Variants in KIAA1328 observed in about 807,000 individuals in gnomAD.
KIAA1328 encodes protein hinderin.
In KIAA1328, 52 loss-of-function variants were observed where a neutral mutation model predicts 68.1. That is an observed-to-expected ratio of 0.76 (90% confidence interval 0.61 to 0.96). The LOEUF (loss-of-function observed/expected upper bound fraction) is 0.96, where lower values mean the gene tolerates loss of function less well. Ranked by LOEUF, KIAA1328 falls within the 40% of genes least tolerant of loss-of-function variation. The pLI is 0.00. For missense variants in KIAA1328, 641 were observed against 677.6 expected (o/e 0.95, Z 0.60); for synonymous variants, 232 against 239.4 (o/e 0.97, Z 0.28).
intron 6 of KIAA1328, among the ~76,000 whole-genome samples, chr18:36,988,505 A>G (rs978557682): frequency 2.6e-5 from 4 of 152,196 alleles, no homozygotes; most frequent in African/African-American, 9.6e-5. Context: ...TTTACAAACC[A>G]TTTTGTGTGT....
At chr18:36,994,637 CTG>C (rs2053319704) in intron 6 of KIAA1328, among the ~76,000 whole-genome samples, 2 of 152,172 alleles carry the variant, frequency 1.3e-5, no homozygotes, top group South Asian at 4.1e-4. Context: ...TTCTGAAAAA[CTG>C]TGATCTGTTT....
At chr18:36,954,027 G>A (rs376355924) in intron 5 of KIAA1328, among the ~76,000 whole-genome samples, 1 of 111,038 alleles carries the variant, frequency 9.0e-6, no homozygotes, top group East Asian at 2.7e-4. Context: ...ACGGAGTCTC[G>A]CTCTGTCGCC....
intron 6 of KIAA1328, among the ~76,000 whole-genome samples, chr18:37,024,640 T>C (rs2054493151): frequency 6.6e-6 from 1 of 151,882 alleles, no homozygotes; most frequent in South Asian, 2.1e-4. Flanking sequence ...TGGTTTTCTG[T>C]CCTTGCGATA....
intron 4 of KIAA1328, among the ~76,000 whole-genome samples, chr18:36,866,077 A>G (rs2047740135): frequency 6.6e-6 from 1 of 151,978 alleles, no homozygotes; most frequent in African/African-American, 2.4e-5. Context: ...TTTCAAGTTA[A>G]CTGTTTGTTG....
intron 9 of KIAA1328, among the ~76,000 whole-genome samples, chr18:37,180,408 G>A (rs2059677601): frequency 3.3e-5 from 5 of 152,150 alleles, no homozygotes; most frequent in Admixed American, 3.3e-4. Context: ...CATTCTGGCT[G>A]AAACTTGGAT....
chr18:36,948,003 C>T (rs894224039), intron 5 of KIAA1328, among the ~76,000 whole-genome samples: 1 of 152,080 alleles, frequency 6.6e-6, no homozygotes, highest in African/African-American at 2.4e-5. Flanking sequence ...TATAATGAGG[C>T]GTGTTTGACC....
intron 6 of KIAA1328, among the ~76,000 whole-genome samples, chr18:36,977,826 C>T (rs1022295623): frequency 1.3e-5 from 2 of 151,984 alleles, no homozygotes; most frequent in Non-Finnish European, 2.9e-5. Flanking sequence ...CTCTGTCCCC[C>T]AGGCTGGAGT....
intron 5 of KIAA1328, among the ~76,000 whole-genome samples, chr18:36,954,159 C>T (rs1046068064): frequency 2.6e-5 from 4 of 151,924 alleles, no homozygotes; most frequent in East Asian, 1.9e-4. Flanking sequence ...CCTGCCACCG[C>T]GCCCGGCTAA....
At chr18:37,229,314 G>T (rs2060654469), downstream of KIAA1328, among the ~76,000 whole-genome samples, 1 of 152,112 alleles carries the variant, frequency 6.6e-6, no homozygotes, top group Non-Finnish European at 1.5e-5. Context: ...ATGAGATGAG[G>T]CCTTTTTTCA....
chr18:36,946,008 A>G (rs2050886438), intron 5 of KIAA1328, among the ~76,000 whole-genome samples: 1 of 152,232 alleles, frequency 6.6e-6, no homozygotes, highest in Non-Finnish European at 1.5e-5. Context: ...GAAATCCAAA[A>G]TGCTGCAATG....
chr18:36,977,429 C>T (rs1464399869), intron 6 of KIAA1328, among the ~76,000 whole-genome samples: 1 of 152,154 alleles, frequency 6.6e-6, no homozygotes, highest in African/African-American at 2.4e-5. Flanking sequence ...TAGCCTTAAG[C>T]ATTTTGCTCT....
At chr18:36,880,709 A>AT (rs1466709694) in intron 4 of KIAA1328, among the ~76,000 whole-genome samples, 3 of 151,672 alleles carry the variant, frequency 2.0e-5, no homozygotes, top group South Asian at 2.1e-4. Context: ...TAACTGTAGG[A>AT]TTTTTTTTAA....
At chr18:36,843,633 A>G (rs1278189500) in intron 3 of KIAA1328, among the ~76,000 whole-genome samples, 1 of 152,206 alleles carries the variant, frequency 6.6e-6, no homozygotes, top group Non-Finnish European at 1.5e-5. Flanking sequence ...CCCTTAAAGT[A>G]GAATAGGAAT....
At chr18:37,204,479 C>G (rs1568531297) in intron 9 of KIAA1328, among the ~76,000 whole-genome samples, 1 of 152,082 alleles carries the variant, frequency 6.6e-6, no homozygotes, top group Non-Finnish European at 1.5e-5. Context: ...GACTTTATAG[C>G]TTTGATTTTA....
chr18:36,988,943 TAATA>T (rs1455484760), intron 6 of KIAA1328, among the ~76,000 whole-genome samples: 2 of 152,220 alleles, frequency 1.3e-5, no homozygotes, highest in East Asian at 3.8e-4. Flanking sequence ...TTGAATGAGT[TAATA>T]AATGTAAAAA....
At chr18:36,998,143 C>G (rs1250603334) in intron 6 of KIAA1328, among the ~76,000 whole-genome samples, 1 of 152,270 alleles carries the variant, frequency 6.6e-6, no homozygotes, top group South Asian at 2.1e-4. Flanking sequence ...ACTTTGCGTC[C>G]CCCTCCAAGA....
chr18:37,040,571 A>G (rs969868423), intron 6 of KIAA1328, among the ~76,000 whole-genome samples: 4 of 151,684 alleles, frequency 2.6e-5, no homozygotes, highest in Non-Finnish European at 4.4e-5. Flanking sequence ...TGTTTTCTCT[A>G]ATAATTTTTA....
chr18:36,945,293 C>T (rs1368922799), intron 5 of KIAA1328, among the ~76,000 whole-genome samples: 1 of 152,110 alleles, frequency 6.6e-6, no homozygotes, highest in Non-Finnish European at 1.5e-5. Context: ...GAACAGTCCA[C>T]ATAAGCTTAA....
intron 6 of KIAA1328, among the ~76,000 whole-genome samples, chr18:37,047,242 G>A (rs2055510200): frequency 6.6e-6 from 1 of 152,078 alleles, no homozygotes; most frequent in African/African-American, 2.4e-5. Context: ...GTGGTCTATT[G>A]TAGGCCTTCC....
Sources: gnomAD v4.1 joint callset for allele counts (sites outside exome capture counted in the v4.1 genomes callset) on GRCh38, gnomAD v4.1.1 for gene constraint, MANE v1.5 for transcripts, NCBI Gene and HGNC (gene_info 2026-07-23, HGNC 2026-07-21) for gene names.